The following OXR1 variants were observed in gnomAD, a reference collection of about 807,000 sequenced individuals.
OXR1 encodes the protein oxidation resistance protein 1.
In OXR1, 41 loss-of-function variants were observed where a neutral mutation model predicts 104.6. The ratio of observed to expected loss-of-function variants is 0.39; its 90% CI spans 0.31 to 0.51. OXR1 has a LOEUF of 0.51. Among genes scored for constraint, OXR1 ranks in the 20% least tolerant of loss-of-function variants. The pLI is 0.77. For missense variants in OXR1, 955 were observed against 1,031.9 expected (o/e 0.93, Z 1.02); for synonymous variants, 348 against 348.4 (o/e 1.00, Z 0.01).
At chr8:106,644,945 A>T (rs2130965133) in intron 3 of OXR1, among the ~76,000 whole-genome samples, 1 of 152,320 alleles carries the variant, frequency 6.6e-6, no homozygotes, top group East Asian at 1.9e-4. Context: ...GCTGATTCTC[A>T]TTATCAACAG....
intron 1 of OXR1, among the ~76,000 whole-genome samples, chr8:106,316,155 AATTTCAG>A (rs1047884416): frequency 2.0e-5 from 3 of 152,196 alleles, no homozygotes; most frequent in Non-Finnish European, 4.4e-5. Context: ...AGAATCTGAC[AATTTCAG>A]AAATATAGGC....
intron 3 of OXR1, among the ~76,000 whole-genome samples, chr8:106,529,572 CT>C (rs1813941229): frequency 6.6e-6 from 1 of 152,120 alleles, no homozygotes; most frequent in Admixed American, 6.5e-5. Context: ...GTTAAATAAG[CT>C]TGCCAACTCT....
chr8:106,331,159 G>T (rs1360653891), intron 1 of OXR1, among the ~76,000 whole-genome samples: 1 of 152,090 alleles, frequency 6.6e-6, no homozygotes, highest in African/African-American at 2.4e-5. Context: ...AAAACTATTT[G>T]CCCTACTTTA....
chr8:106,664,740 CTT>C (rs1413399340), intron 3 of OXR1, among the ~76,000 whole-genome samples: 5 of 152,102 alleles, frequency 3.3e-5, no homozygotes, highest in Admixed American at 6.6e-5. Flanking sequence ...ATATTTAAAA[CTT>C]AGTATAGGGT....
intron 2 of OXR1, among the ~76,000 whole-genome samples, chr8:106,378,854 A>G (rs16874475): frequency 0.24 from 35,837 of 151,990 alleles, 5,862 homozygotes; most frequent in African/African-American, 0.47. Flanking sequence ...TCCTGCTACC[A>G]CTGCTTAAGT....
chr8:106,572,165 T>C (rs948734480), intron 3 of OXR1, among the ~76,000 whole-genome samples: 30 of 152,220 alleles, frequency 2.0e-4, no homozygotes, highest in African/African-American at 7.2e-4. Flanking sequence ...TCTTGAAGAA[T>C]AGTGCATTTT....
intron 3 of OXR1, among the ~76,000 whole-genome samples, chr8:106,634,996 A>AGTTTGAGAG (rs2130910726): frequency 6.6e-6 from 1 of 152,302 alleles, no homozygotes; most frequent in Non-Finnish European, 1.5e-5. Context: ...TGCATATTAA[A>AGTTTGAGAG]GTTTGAGAGG....
chr8:106,723,869 A>G (rs1833081417), intron 11 of OXR1, among the ~76,000 whole-genome samples: 1 of 151,926 alleles, frequency 6.6e-6, no homozygotes, highest in South Asian at 2.1e-4. Context: ...AGCTCACTGC[A>G]TCCTCGAACT....
At chr8:106,744,822 G>A (rs1835245915) in intron 15 of OXR1, among the ~76,000 whole-genome samples, 1 of 152,040 alleles carries the variant, frequency 6.6e-6, no homozygotes, top group South Asian at 2.1e-4. Context: ...AACACCATTG[G>A]TTATAAAAAT....
chr8:106,364,039 T>C (rs1816361904), intron 2 of OXR1, among the ~76,000 whole-genome samples: 1 of 152,126 alleles, frequency 6.6e-6, no homozygotes, highest in Non-Finnish European at 1.5e-5. Flanking sequence ...AACTGGGAAA[T>C]ACTGCAGTTT....
At chr8:106,667,047 A>G (rs189541889) in intron 3 of OXR1, among the ~76,000 whole-genome samples, 38 of 152,324 alleles carry the variant, frequency 2.5e-4, no homozygotes, top group African/African-American at 7.9e-4. Flanking sequence ...TGGCTACCAT[A>G]TTATACAAGG....
Position 106,627,840 on chromosome 8 carries a change from T to C in OXR1, c.221-51370T>C, listed in dbSNP as rs534000183. ...AGCCTTTACCATAGCAGGATTGATA[T>C]AGGAATAAGTGGAGATTGAGGGCAC... On this transcript the variant is annotated intron_variant, in intron 3 of 16. Coordinates refer to ENST00000517566, the MANE Select transcript of OXR1 (RefSeq NM_001198533.2). Among the ~76,000 whole-genome samples, 3 of 152,290 alleles carry C rather than the reference T, an allele frequency of 2.0e-5. No individual in the cohort carries two copies. The East Asian group carries it at 5.8e-4, about 29-fold the overall frequency.
chr8:106,497,743 C>T (rs528396317), intron 2 of OXR1, among the ~76,000 whole-genome samples: 3 of 152,070 alleles, frequency 2.0e-5, no homozygotes, highest in South Asian at 2.1e-4. Context: ...AACCCCTCTT[C>T]CTTGGGGGAA....
chr8:106,521,926 C>T (rs1254539767), intron 3 of OXR1, among the ~76,000 whole-genome samples: 1 of 152,140 alleles, frequency 6.6e-6, no homozygotes, highest in Non-Finnish European at 1.5e-5. Flanking sequence ...AGCCAATATG[C>T]TCATTCATTG....
intron 1 of OXR1, among the ~76,000 whole-genome samples, chr8:106,332,177 G>T (rs1397484083): frequency 6.6e-6 from 1 of 152,012 alleles, no homozygotes; most frequent in Non-Finnish European, 1.5e-5. Flanking sequence ...ATGAGAGAGG[G>T]TCAATGAAAA....
At chr8:106,360,149 T>A (rs1010147666) in intron 2 of OXR1, among the ~76,000 whole-genome samples, 1 of 152,170 alleles carries the variant, frequency 6.6e-6, no homozygotes, top group Non-Finnish European at 1.5e-5. Context: ...CTAAATAATC[T>A]TTGACTTTCA....
intron 3 of OXR1, among the ~76,000 whole-genome samples, chr8:106,545,777 C>T (rs910720336): frequency 6.6e-6 from 1 of 152,116 alleles, no homozygotes; most frequent in African/African-American, 2.4e-5. Flanking sequence ...GTGAGTGGAT[C>T]ACTTAAGCCC....
At chr8:106,421,250 C>A (rs1818894144) in intron 2 of OXR1, among the ~76,000 whole-genome samples, 1 of 152,088 alleles carries the variant, frequency 6.6e-6, no homozygotes, top group African/African-American at 2.4e-5. Flanking sequence ...CTTCTCTAGA[C>A]CTCTTGACAT....
chr8:106,614,335 C>T (rs1283544009), intron 3 of OXR1, among the ~76,000 whole-genome samples: 1 of 152,186 alleles, frequency 6.6e-6, no homozygotes, highest in Admixed American at 6.5e-5. Context: ...TTTATCACAA[C>T]TTGGTCAATC....
Sources: gnomAD v4.1 joint callset for allele counts (sites outside exome capture counted in the v4.1 genomes callset) on GRCh38, gnomAD v4.1.1 for gene constraint, MANE v1.5 for transcripts, NCBI Gene and HGNC (gene_info 2026-07-23, HGNC 2026-07-21) for gene names.